The following N4BP2L2 variants were observed in gnomAD, a reference collection of about 807,000 sequenced individuals.
The protein encoded by N4BP2L2 is NEDD4 binding protein 2 like 2.
A neutral mutation model predicts 56.2 loss-of-function variants in N4BP2L2; 50 were observed. That is an observed-to-expected ratio of 0.89 (90% CI 0.71 to 1.13). N4BP2L2 has a LOEUF of 1.13. Ranked by LOEUF, N4BP2L2 falls within the 50% of genes most tolerant of loss-of-function variation. The pLI, the probability that N4BP2L2 is intolerant of heterozygous loss-of-function variation, is 0.00. For synonymous variants in N4BP2L2, 203 were observed against 223.6 expected (o/e 0.91, Z 0.82); for missense variants, 689 against 693.8 (o/e 0.99, Z 0.08).
chr13:32,509,959 C>A (rs2091515942), downstream of N4BP2L2, among the ~76,000 whole-genome samples: 1 of 151,950 alleles, frequency 6.6e-6, no homozygotes, highest in Non-Finnish European at 1.5e-5. Flanking sequence ...AAGCAAATAC[C>A]CAACAGTAAG....
intron 6 of N4BP2L2, among the ~76,000 whole-genome samples, chr13:32,451,741 G>C (rs540077276): frequency 9.8e-4 from 148 of 150,840 alleles, no homozygotes; most frequent in African/African-American, 3.5e-3. Context: ...TTAAGAAACA[G>C]GGTCTCACTA....
At chr13:32,473,024 T>C (rs2082614185) in intron 6 of N4BP2L2, among the ~76,000 whole-genome samples, 1 of 152,200 alleles carries the variant, frequency 6.6e-6, no homozygotes, top group Non-Finnish European at 1.5e-5. Flanking sequence ...CTCACGCCTG[T>C]AATCCCAGCA....
chr13:32,517,699 G>A, exon 6 of N4BP2L2: 1 of 1,449,176 alleles, frequency 6.9e-7, no homozygotes, highest in Non-Finnish European at 9.0e-7. Context: ...TCCTTTGTGA[G>A]GCACTGTAGC....
At chr13:32,489,765 G>GA (rs34893590) in intron 6 of N4BP2L2, among the ~76,000 whole-genome samples, 37,137 of 137,682 alleles carry the variant, frequency 0.27, 5,966 homozygotes, top group Non-Finnish European at 0.37. Context: ...TTCCCCTCCT[G>GA]AAAAAAAAAA....
At chr13:32,473,323 A>G (rs1436902932) in intron 6 of N4BP2L2, among the ~76,000 whole-genome samples, 3 of 152,082 alleles carry the variant, frequency 2.0e-5, no homozygotes, top group African/African-American at 7.2e-5. Context: ...TGTTGAAATA[A>G]TATTTTGATA....
chr13:32,519,299 C>T lies in N4BP2L2; in HGVS notation c.1551-1296G>A, dbSNP rs2050120112. Among the ~76,000 whole-genome samples the T allele has an allele frequency of 2.0e-5, 3 of 151,640 alleles. No individual in the cohort carries two copies. The South Asian group carries it at 6.2e-4, about 31-fold the overall frequency. ...TGGTGGTGGTGCACACTTGTAGTCCCAGTTACTCCCAAGGTGGGTAGATCG... is the reference window on the plus strand; with the variant it reads ...TGGTGGTGGTGCACACTTGTAGTCCTAGTTACTCCCAAGGTGGGTAGATCG... On this transcript the variant is annotated intron_variant, in intron 5 of 5. Transcript: ENST00000267068.
At chr13:32,485,388 C>T (rs895082831) in intron 6 of N4BP2L2, among the ~76,000 whole-genome samples, 1 of 152,146 alleles carries the variant, frequency 6.6e-6, no homozygotes, top group Admixed American at 6.5e-5. Flanking sequence ...AATATCAATT[C>T]TTAAGAAACT....
At chr13:32,443,465 T>A in exon 7 of N4BP2L2, 1 of 1,613,578 alleles carries the variant, frequency 6.2e-7, no homozygotes. Flanking sequence ...TTGATTTTAG[T>A]TGTATACACT....
exon 6 of N4BP2L2, chr13:32,513,784 T>G (rs1490882255): frequency 6.6e-6 from 1 of 152,166 alleles, no homozygotes; most frequent in Non-Finnish European, 1.5e-5. Flanking sequence ...CAATACAACT[T>G]TAGCCCTTAT....
intron 1 of N4BP2L2, among the ~76,000 whole-genome samples, chr13:32,538,078 G>GT (rs1200007967): frequency 1.5e-5 from 2 of 137,558 alleles, no homozygotes; most frequent in East Asian, 2.4e-4. Flanking sequence ...CTTGGGGGGG[G>GT]GGGGCGGTTA....
exon 6 of N4BP2L2, chr13:32,511,764 T>A (rs2048190412): frequency 6.6e-6 from 1 of 151,568 alleles, no homozygotes; most frequent in South Asian, 2.1e-4. Context: ...GGAGGATAGC[T>A]GAGCAAAAAA....
intron 3 of N4BP2L2, chr13:32,524,598 T>A (rs1399308392): frequency 3.9e-5 from 6 of 152,224 alleles, no homozygotes; most frequent in African/African-American, 1.4e-4. Flanking sequence ...ATAATAAACA[T>A]GAAGCAGACA....
At chr13:32,451,870 C>T (rs976136944) in intron 6 of N4BP2L2, among the ~76,000 whole-genome samples, 1 of 151,916 alleles carries the variant, frequency 6.6e-6, no homozygotes, top group Non-Finnish European at 1.5e-5. Context: ...AAACAGAAAG[C>T]CTGGGTAGTC....
At chr13:32,465,996 T>C (rs2081167883) in intron 6 of N4BP2L2, among the ~76,000 whole-genome samples, 1 of 152,198 alleles carries the variant, frequency 6.6e-6, no homozygotes, top group Non-Finnish European at 1.5e-5. Flanking sequence ...TGTTATATTT[T>C]TCAATATGCT....
intron 6 of N4BP2L2, among the ~76,000 whole-genome samples, chr13:32,489,296 T>G (rs971210323): frequency 6.6e-6 from 1 of 152,234 alleles, no homozygotes; most frequent in African/African-American, 2.4e-5. Context: ...GTTTCTGTCA[T>G]GTACGCTGTT....
At chr13:32,495,301 T>C (rs1054669755) in intron 6 of N4BP2L2, among the ~76,000 whole-genome samples, 4 of 152,160 alleles carry the variant, frequency 2.6e-5, no homozygotes, top group African/African-American at 9.7e-5. Flanking sequence ...GCCCAGCATA[T>C]TCTCAAGGAT....
chr13:32,456,858 G>A (rs758969506), intron 6 of N4BP2L2, among the ~76,000 whole-genome samples: 16 of 152,202 alleles, frequency 1.1e-4, no homozygotes, highest in Non-Finnish European at 1.9e-4. Context: ...TATATATGCT[G>A]GGTGTGGTGG....
intron 6 of N4BP2L2, among the ~76,000 whole-genome samples, chr13:32,466,088 C>T (rs909175919): frequency 2.0e-5 from 3 of 152,148 alleles, no homozygotes; most frequent in Admixed American, 6.6e-5. Flanking sequence ...TAAAGAAATT[C>T]CAGCACATGG....
intron 6 of N4BP2L2, among the ~76,000 whole-genome samples, chr13:32,492,273 ATTTTTTT>A (rs72053635): frequency 1.5e-3 from 107 of 72,146 alleles, no homozygotes; most frequent in Middle Eastern, 0.016. Context: ...AAACACCAAA[ATTTTTTT>A]TTTTTTTTTT....
Sources: allele counts gnomAD v4.1 joint callset (sites outside exome capture counted in the v4.1 genomes callset), GRCh38; gene constraint gnomAD v4.1.1; transcripts MANE v1.5; gene names NCBI Gene and HGNC (gene_info 2026-07-23, HGNC 2026-07-21).